The following B4GALT2 variants were observed in gnomAD, a reference collection of about 807,000 sequenced individuals.
The protein encoded by B4GALT2 is N-acetyllactosamine synthase.
In B4GALT2, 18 loss-of-function variants were observed where a neutral mutation model predicts 33.2. The observed-to-expected ratio is 0.54, with a 90% CI of 0.38 to 0.80. B4GALT2 has a LOEUF of 0.80. B4GALT2 is among the 30% of genes least tolerant of loss of function. The pLI, the probability that B4GALT2 is intolerant of heterozygous loss-of-function variation, is 0.00. For synonymous variants in B4GALT2, 214 were observed against 217.6 expected, an observed-to-expected ratio of 0.98 and a Z score of 0.15; for missense variants, 404 against 526.2, an observed-to-expected ratio of 0.77 and a Z score of 2.27.
At chr1:43,986,831 C>T (rs994582082) in intron 6 of B4GALT2, among the ~76,000 whole-genome samples, 3 of 152,160 alleles carry the variant, frequency 2.0e-5, no homozygotes, top group African/African-American at 4.8e-5. Context: ...CTGGCATAGC[C>T]GCTGGGTGGA....
chr1:43,989,276 G>A (rs2085695136), intron 6 of B4GALT2, among the ~76,000 whole-genome samples: 1 of 147,718 alleles, frequency 6.8e-6, no homozygotes, highest in Non-Finnish European at 1.5e-5. Flanking sequence ...AACCTGGGAA[G>A]TGGAGGGTGC....
chr1:43,981,465 C>T lies in B4GALT2; in HGVS notation c.305C>T (p.Pro102Leu), dbSNP rs1448579172. 1.5e-5 allele frequency: 23 copies of T among 1,579,548 alleles called. No individual in the cohort carries two copies. The highest frequency in any genetic ancestry group is 2.0e-5 in the Non-Finnish European group (23 of 1,166,416). ...PTLPPCPDSP[P>L]GLVGRLLIEF... is the part of the protein sequence containing the mutation. ...CTGCCACCCTGTCCTGACTCGCCACCTGGTCTTGGTGAGCCTGGAGGGTAG... is the reference window on the plus strand; with the variant it reads ...CTGCCACCCTGTCCTGACTCGCCACTTGGTCTTGGTGAGCCTGGAGGGTAG... The change falls in exon 2 of 7, where the codon CCT becomes CTT. Residue 102 changes from proline (P) to leucine (L), a missense_variant. By Grantham distance (98) the Pro-to-Leu change is moderately conservative (BLOSUM62 -3). Transcript: ENST00000372324. The surrounding 1 kb of genome is among the most constrained non-coding windows in gnomAD (Gnocchi z 8.1).
In B4GALT2 at chr1:43,990,450, A is replaced by G. The variant is rs1436799495; in HGVS notation, c.*2A>G. 4 of 1,613,920 alleles carry G rather than the reference A, an allele frequency of 2.5e-6. No homozygotes were observed. The highest frequency in any genetic ancestry group is 2.7e-5 in the African/African-American group (2 of 74,878). On this transcript the variant is annotated 3_prime_UTR_variant, in exon 7 of 7. Transcript: ENST00000372324. The stretch of plus-strand genomic sequence containing the variant: ...CCGTCGTGGCCCCCTCGGGGCTGAC[A>G]CTAATGGACAGAGGCTCTCGGTGCC...
Position 43,988,736 on chromosome 1 carries a change from A to T in B4GALT2, c.969-1562A>T, listed in dbSNP as rs140151842. Among the ~76,000 whole-genome samples, 15 of 151,060 alleles carry T rather than the reference A, an allele frequency of 9.9e-5. 1 individual carries two copies. The East Asian group carries it at 2.9e-3, about 29-fold the overall frequency. On this transcript the variant is annotated intron_variant, in intron 6 of 6. Coordinates refer to ENST00000372324, the MANE Select transcript of B4GALT2 (RefSeq NM_003780.5). ...GTGGTGTGCACCTGTAGTCTCAGCTACTCAGGAGGCTAAGGCAGGAGAATC... is the reference window on the plus strand; with the variant it reads ...GTGGTGTGCACCTGTAGTCTCAGCTTCTCAGGAGGCTAAGGCAGGAGAATC...
chr1:43,979,931 G>T lies in B4GALT2; in HGVS notation c.-53+420G>T. 2.0e-6 allele frequency: 3 copies of T among 1,502,806 alleles called. No homozygotes were observed. The South Asian group carries it at 3.6e-5, about 18-fold the overall frequency. 93.1% of individuals were successfully genotyped at this position (1,502,806 alleles called of 1,614,324 possible). On this transcript the variant is annotated intron_variant, in intron 1 of 6. Transcript: ENST00000372324. The surrounding 1 kb of genome is among the most constrained non-coding windows in gnomAD (Gnocchi z 4.8). The stretch of plus-strand genomic sequence containing the variant: ...CACCCCTCAGCCTGGCCGCCAGCCT[G>T]ACCCAGAACCCCTGCGCCGGAGGGA...
chr1:43,985,614 C>T lies in B4GALT2; in HGVS notation c.961C>T (p.Pro321Ser). The change falls in exon 6 of 7, where the codon CCT becomes TCT. Residue 321 changes from proline to serine, a missense_variant. Transcript: ENST00000372324. ...HDRDKHNEPN[P>S]QRFTKIQNTK... ...CCGCGACAAGCATAACGAACCTAACCCTCAGAGGTGACCCCAGCACCCTCA... is the reference window on the plus strand; with the variant it reads ...CCGCGACAAGCATAACGAACCTAACTCTCAGAGGTGACCCCAGCACCCTCA... The T allele has an allele frequency of 1.2e-6, 2 of 1,613,942 alleles. No individual in the cohort carries two copies. Among genetic ancestry groups the T allele is most frequent in the Non-Finnish European group, 1.7e-6 (2 of 1,179,976 alleles).
rs2085722921 is a variant in B4GALT2, at chr1:43,990,731, C to T, written c.*283C>T. The T allele has an allele frequency of 2.1e-6, 1 of 465,668 alleles. No homozygotes were observed. The highest frequency in any genetic ancestry group is 2.3e-5 in the South Asian group (1 of 44,424). 28.8% of individuals were successfully genotyped at this position (465,668 alleles called of 1,614,324 possible). On this transcript the variant is annotated 3_prime_UTR_variant, in exon 7 of 7. Coordinates refer to ENST00000372324, the MANE Select transcript of B4GALT2 (RefSeq NM_003780.5). ...AGTCACTGTCAGGGTCGGGCCAGCC[C>T]CTGCACTGCCTCGCAGAGTGGCCTG...
intron 3 of B4GALT2, among the ~76,000 whole-genome samples, chr1:43,983,031 G>A (rs1223520231): frequency 6.6e-6 from 1 of 152,208 alleles, no homozygotes; most frequent in Non-Finnish European, 1.5e-5. Context: ...CGCCTTGGCT[G>A]TTGGCTGTGG....
In B4GALT2 at chr1:43,985,544, A is replaced by T. The variant is rs1361969979; in HGVS notation, c.891A>T (p.Ser297=). 1 of 1,612,292 alleles carries T rather than the reference A, an allele frequency of 6.2e-7. No homozygotes were observed. The highest frequency in any genetic ancestry group is 8.5e-7 in the Non-Finnish European group (1 of 1,179,766). The part of the protein sequence containing the change: ...NRISLTGMKI[S]RPDIRIGRYR... ...TCTCCCTGACTGGGATGAAGATCTCACGCCCAGACATCCGAATCGGCCGCT... is the reference window on the plus strand; with the variant it reads ...TCTCCCTGACTGGGATGAAGATCTCTCGCCCAGACATCCGAATCGGCCGCT... Residue 297 remains serine, a synonymous_variant, in exon 6 of 7, where the codon TCA becomes TCT. Transcript: ENST00000372324.
In B4GALT2 at chr1:43,981,814, G is replaced by A. The variant is rs1215341427; in HGVS notation, c.439G>A (p.Val147Ile). 1 of 1,613,762 alleles carries A rather than the reference G, an allele frequency of 6.2e-7. No homozygotes were observed. Among genetic ancestry groups the A allele is most frequent in the African/African-American group, 1.3e-5 (1 of 74,916 alleles). The change falls in exon 3 of 7, where the codon GTC (valine) becomes ATC (isoleucine). Residue 147 changes from valine (V) to isoleucine (I), a missense_variant. Physicochemically the swap from Val to Ile is conservative, Grantham distance 29. Coordinates refer to ENST00000372324, the MANE Select transcript of B4GALT2 (RefSeq NM_003780.5). This position sits in a 1 kb window ranked among gnomAD's most constrained non-coding sequence, Gnocchi z 8.1. The part of the protein sequence containing the change: ...PDCTPAQTVA[V>I]IIPFRHREHH... ...CTGCACCCCAGCCCAGACGGTGGCGGTCATCATCCCCTTTAGACACCGGGA... is the reference window on the plus strand; with the variant it reads ...CTGCACCCCAGCCCAGACGGTGGCGATCATCATCCCCTTTAGACACCGGGA...
rs894187854 is a variant in B4GALT2, at chr1:43,979,954, G to A, written c.-53+443G>A. ...CTGACCCAGAACCCCTGCGCCGGAGGGAGGGTGGGAATGTCTGCACGTGGG... is the reference window on the plus strand; with the variant it reads ...CTGACCCAGAACCCCTGCGCCGGAGAGAGGGTGGGAATGTCTGCACGTGGG... On this transcript the variant is annotated intron_variant, in intron 1 of 6. Coordinates refer to ENST00000372324, the MANE Select transcript of B4GALT2 (RefSeq NM_003780.5). This position sits in a 1 kb window ranked among gnomAD's most constrained non-coding sequence, Gnocchi z 4.8. The A allele has an allele frequency of 2.0e-6, 3 of 1,525,206 alleles. No homozygotes were observed. The highest frequency in any genetic ancestry group is 2.6e-6 in the Non-Finnish European group (3 of 1,140,618). The allele number at this position is 1,525,206 out of a possible 1,614,324, so 94.5% of individuals were successfully genotyped here.
At chr1:43,980,580 T>C in intron 1 of B4GALT2, 1 of 995,714 alleles carries the variant, frequency 1.0e-6, no homozygotes, top group Non-Finnish European at 1.2e-6. Context: ...CTGGAAGGAC[T>C]AAATGAAGTC....
At position 43,979,803 on chromosome 1, in the gene B4GALT2, C is replaced by T; in HGVS notation, c.-53+292C>T. 1.8e-6 allele frequency: 1 copy of T among 559,834 alleles called. No homozygotes were observed. Among genetic ancestry groups the T allele is most frequent in the South Asian group, 2.1e-5 (1 of 48,484 alleles). 34.7% of individuals were successfully genotyped at this position (559,834 alleles called of 1,614,324 possible). On this transcript the variant is annotated intron_variant, in intron 1 of 6. Transcript: ENST00000372324. The surrounding 1 kb of genome is among the most constrained non-coding windows in gnomAD (Gnocchi z 4.8). ...CCTTGGCCTTTGCCTCATCCGCTGC[C>T]CTCCACCCACTCCCCCTGCCCCCAG... is the stretch of plus-strand genomic sequence containing the variant.
Position 43,982,853 on chromosome 1 carries a change from G to A in B4GALT2, c.549+929G>A, listed in dbSNP as rs1023866669. Among the ~76,000 whole-genome samples the A allele has an allele frequency of 4.6e-5, 7 of 152,226 alleles. No individual in the cohort carries two copies. Among genetic ancestry groups the A allele is most frequent in the African/African-American group, 1.7e-4 (7 of 41,464 alleles). On this transcript the variant is annotated intron_variant, in intron 3 of 6. Transcript: ENST00000372324. This position sits in a 1 kb window ranked among gnomAD's most constrained non-coding sequence, Gnocchi z 4.3. The stretch of plus-strand genomic sequence containing the variant: ...TGGTTGCATATGGAGCATGGATGGA[G>A]AGGGGAGATTAGAGACAGCGTGGCC...
chr1:43,979,845 G>A lies in B4GALT2; in HGVS notation c.-53+334G>A. On this transcript the variant is annotated intron_variant, in intron 1 of 6. Transcript: ENST00000372324. This position sits in a 1 kb window ranked among gnomAD's most constrained non-coding sequence, Gnocchi z 4.8. ...TGCCCCCAGGCTCCACACCCACCCG[G>A]TCTGTGCGGCCTGCCCGTCCGCGGG... 2.9e-6 allele frequency: 2 copies of A among 692,380 alleles called. No individual in the cohort carries two copies. The highest frequency in any genetic ancestry group is 4.8e-6 in the Non-Finnish European group (2 of 414,534). The allele number at this position is 692,380 out of a possible 1,614,324, so 42.9% of individuals were successfully genotyped here.
rs1021080409 is a variant in B4GALT2, at chr1:43,981,236, G to A, written c.76G>A (p.Val26Met). ...CCTTCTCTGCCTGCTGCACTTCCTCGTGGCCGTCATCCTCTACTTTGACGT... is the reference window on the plus strand; with the variant it reads ...CCTTCTCTGCCTGCTGCACTTCCTCATGGCCGTCATCCTCTACTTTGACGT... Reference protein sequence around the residue: ...VLLLCLLHFLVAVILYFDVYA... With the variant: ...VLLLCLLHFLMAVILYFDVYA... The change falls in exon 2 of 7, where the codon GTG (valine) becomes ATG (methionine). Residue 26 changes from valine (V) to methionine (M), a missense_variant. Coordinates refer to ENST00000372324, the MANE Select transcript of B4GALT2 (RefSeq NM_003780.5). The surrounding 1 kb of genome is among the most constrained non-coding windows in gnomAD (Gnocchi z 8.1). The A allele has an allele frequency of 6.2e-7, 1 of 1,605,984 alleles. No homozygotes were observed. The highest frequency in any genetic ancestry group is 2.2e-5 in the East Asian group (1 of 44,874).
At chr1:43,987,448 C>T (rs1172149183) in intron 6 of B4GALT2, among the ~76,000 whole-genome samples, 1 of 152,174 alleles carries the variant, frequency 6.6e-6, no homozygotes, top group Non-Finnish European at 1.5e-5. Flanking sequence ...AGTTCACAAA[C>T]TGTGAACTCT....
In B4GALT2 at chr1:43,982,264, C is replaced by T. The variant is rs2085609408; in HGVS notation, c.549+340C>T. On this transcript the variant is annotated intron_variant, in intron 3 of 6. Coordinates refer to ENST00000372324, the MANE Select transcript of B4GALT2 (RefSeq NM_003780.5). The surrounding 1 kb of genome is among the most constrained non-coding windows in gnomAD (Gnocchi z 4.3). ...TGAAAGAAGGATGAAGCCTGTAGAA[C>T]CCTTTGGGGTAGGTGCCAGCCACAG... 1.3e-5 allele frequency among the ~76,000 whole-genome samples: 2 copies of T among 152,078 alleles called. No homozygotes were observed. Among genetic ancestry groups the T allele is most frequent in the Admixed American group, 1.3e-4 (2 of 15,274 alleles).
intron 5 of B4GALT2, 38 bp downstream of exon 5, chr1:43,985,438 G>GGGGA: frequency 1.5e-6 from 1 of 655,976 alleles, no homozygotes; most frequent in African/African-American, 1.8e-5. Flanking sequence ...CTGGGTGGGG[G>GGGGA]GGGGAGGGGG....
Sources: gnomAD v4.1 joint callset for allele counts (sites outside exome capture counted in the v4.1 genomes callset) on GRCh38, gnomAD v4.1.1 for gene constraint, Gnocchi (gnomAD v3.1) non-coding constraint, MANE v1.5 for transcripts, NCBI Gene and HGNC (gene_info 2026-07-23, HGNC 2026-07-21) for gene names.